Variants in OSBPL8 observed in about 807,000 individuals in gnomAD.
OSBPL8 encodes the protein oxysterol-binding protein-related protein 8.
Under a neutral mutation model 125.5 loss-of-function variants are expected in OSBPL8, and 59 were observed. That is an observed-to-expected ratio of 0.47 (90% CI 0.38 to 0.58). The LOEUF is 0.58. OSBPL8 is among the 20% of genes least tolerant of loss of function. The pLI, the probability that OSBPL8 is intolerant of heterozygous loss-of-function variation, is 0.00. For synonymous variants in OSBPL8, 330 were observed against 338.9 expected (o/e 0.97, Z 0.29); for missense variants, 758 against 1,047.8 (o/e 0.72, Z 3.82).
In OSBPL8 at chr12:76,557,226, C is replaced by T. The variant is rs377385700; in HGVS notation, c.-68+2171G>A. Among the ~76,000 whole-genome samples the T allele has an allele frequency of 4.6e-5, 7 of 152,208 alleles. No individual in the cohort carries two copies. The East Asian group carries it at 5.8e-4, about 13-fold the overall frequency. ...CTGTATCAATTCTTTGTCTTTAATG[C>T]CTTAATTCAAGTAATCTACTTTTGA... is the stretch of plus-strand genomic sequence containing the variant. On this transcript the variant is annotated intron_variant, in intron 1 of 23. Transcript: ENST00000261183.
intron 1 of OSBPL8, among the ~76,000 whole-genome samples, chr12:76,559,112 G>A (rs1443715439): frequency 6.6e-6 from 1 of 152,154 alleles, no homozygotes; most frequent in African/African-American, 2.4e-5. Flanking sequence ...AGGAGGGACA[G>A]ACACCCGGGG....
chr12:76,438,180 G>A (rs1242484393), intron 4 of OSBPL8, among the ~76,000 whole-genome samples: 1 of 151,794 alleles, frequency 6.6e-6, no homozygotes, highest in Non-Finnish European at 1.5e-5. Context: ...TAGAGACGGG[G>A]TTTCACCGTG....
rs180804069 is a variant in OSBPL8, at chr12:76,407,662, T to C, written c.288+2902A>G. ...TCAGTAAGTTTCAGCTCTTGGAAAATAATATGATGAGTATAATTTTACTTA... is the reference window on the plus strand; with the variant it reads ...TCAGTAAGTTTCAGCTCTTGGAAAACAATATGATGAGTATAATTTTACTTA... On this transcript the variant is annotated intron_variant, in intron 5 of 23. Transcript: ENST00000261183. 3.5e-3 allele frequency among the ~76,000 whole-genome samples: 531 copies of C among 152,340 alleles called. 3 individuals carry two copies. Among genetic ancestry groups the C allele is most frequent in the Non-Finnish European group, 6.0e-3 (410 of 68,024 alleles).
chr12:76,357,868 T>TG (rs1195764954), intron 22 of OSBPL8, among the ~76,000 whole-genome samples: 6 of 152,220 alleles, frequency 3.9e-5, no homozygotes, highest in African/African-American at 1.4e-4. Flanking sequence ...TTTTTTTTTT[T>TG]GTCATGTCAC....
intron 1 of OSBPL8, among the ~76,000 whole-genome samples, chr12:76,532,736 C>A (rs925188688): frequency 1.4e-4 from 19 of 140,082 alleles, no homozygotes; most frequent in Non-Finnish European, 2.5e-4. Context: ...AAGAGCCAGA[C>A]CAATCAGTCC....
At chr12:76,506,699 C>T (rs1880453063) in intron 1 of OSBPL8, among the ~76,000 whole-genome samples, 1 of 152,000 alleles carries the variant, frequency 6.6e-6, no homozygotes, top group African/African-American at 2.4e-5. Context: ...CCCTAAATTC[C>T]ACACCTTTGA....
chr12:76,357,241 CTCT>C (rs1301843484), intron 22 of OSBPL8, among the ~76,000 whole-genome samples: 19 of 152,274 alleles, frequency 1.2e-4, no homozygotes, highest in African/African-American at 4.6e-4. Flanking sequence ...CCTACTTAAC[CTCT>C]CTGCAAGTGT....
rs182231338 is a variant in OSBPL8 at position 76,548,639 on chromosome 12, T to C, written c.-68+10758A>G. Among the ~76,000 whole-genome samples, 493 of 151,914 alleles carry C rather than the reference T, an allele frequency of 3.2e-3. 6 individuals are homozygous for C. The highest frequency in any genetic ancestry group is 0.011 in the African/African-American group (449 of 41,394). On this transcript the variant is annotated intron_variant, in intron 1 of 23. Transcript: ENST00000261183. ...ATCCAGCATTTAAAGGGCCCATACA[T>C]AGCCTAGCAGCTAGCTCCTCTCTCT...
chr12:76,490,413 C>T (rs774395425), intron 1 of OSBPL8, among the ~76,000 whole-genome samples: 27 of 152,174 alleles, frequency 1.8e-4, no homozygotes, highest in Non-Finnish European at 3.5e-4. Flanking sequence ...AGACTCAGCC[C>T]GAAGAGAGGA....
Position 76,378,555 on chromosome 12 carries a change from A to C in OSBPL8, c.1631-5T>G. ...ATATTGCAGATAATGAGTTTCCTGA[A>C]ATAAAATGTTGTTTATTAAATTTCA... On this transcript the variant is annotated splice_polypyrimidine_tract_variant and splice_region_variant and intron_variant, in intron 15 of 23. Transcript: ENST00000261183. 1 of 1,562,874 alleles carries C rather than the reference A, an allele frequency of 6.4e-7. No homozygotes were observed. The highest frequency in any genetic ancestry group is 8.7e-7 in the Non-Finnish European group (1 of 1,145,760).
At chr12:76,402,911 A>G (rs1263203450) in intron 5 of OSBPL8, 145 bp from the exon 6 acceptor site, 1 of 631,574 alleles carries the variant, frequency 1.6e-6, no homozygotes, top group Non-Finnish European at 2.7e-6. Context: ...TTTTCCCTAT[A>G]TGTCTTTAAA....
intron 2 of OSBPL8, among the ~76,000 whole-genome samples, chr12:76,484,888 A>T (rs1877953576): frequency 6.6e-6 from 1 of 152,280 alleles, no homozygotes; most frequent in East Asian, 1.9e-4. Flanking sequence ...GAACCTAATG[A>T]ACAAGAAAAG....
In OSBPL8 at chr12:76,358,735, G is replaced by A. The variant is rs1291291517; in HGVS notation, c.2405C>T (p.Pro802Leu). Residue 802 changes from proline to leucine, a missense_variant, in exon 22 of 24, where the codon CCT (proline) becomes CTT (leucine). By Grantham distance (98) the Pro-to-Leu change is moderately conservative. Coordinates refer to ENST00000261183, the MANE Select transcript of OSBPL8 (RefSeq NM_020841.5). ...ACTTCCAGAGGAGTCTTGAATGTCA[G>A]GTTCTGGGGAGGAATAGCCTTTTGC... ...KVAKGYSSPE[P>L]DIQDSSGSEA... 2.5e-6 allele frequency: 4 copies of A among 1,613,790 alleles called. No individual in the cohort carries two copies. The highest frequency in any genetic ancestry group is 1.3e-5 in the African/African-American group (1 of 75,000).
chr12:76,526,543 G>A (rs1950177305), intron 1 of OSBPL8, among the ~76,000 whole-genome samples: 1 of 144,012 alleles, frequency 6.9e-6, no homozygotes, highest in African/African-American at 2.5e-5. Flanking sequence ...ACTGGCTTAA[G>A]TCAAAAGCTG....
intron 2 of OSBPL8, among the ~76,000 whole-genome samples, chr12:76,473,452 C>T (rs1011981642): frequency 6.6e-6 from 1 of 152,138 alleles, no homozygotes; most frequent in Non-Finnish European, 1.5e-5. Context: ...GAACTAACCA[C>T]CTCTATTTCT....
intron 1 of OSBPL8, chr12:76,537,034 CCA>C (rs1950518804): frequency 6.6e-6 from 1 of 151,936 alleles, no homozygotes; most frequent in African/African-American, 2.4e-5. Flanking sequence ...TGGAGGTTAG[CCA>C]CAGTTCTTCC....
intron 4 of OSBPL8, among the ~76,000 whole-genome samples, chr12:76,440,867 C>A (rs937112344): frequency 8.5e-5 from 13 of 152,306 alleles, no homozygotes; most frequent in African/African-American, 3.1e-4. Context: ...CTCCAGAGCT[C>A]ATCACCTCTA....
intron 1 of OSBPL8, among the ~76,000 whole-genome samples, chr12:76,506,149 G>A (rs1184471668): frequency 6.6e-6 from 1 of 152,160 alleles, no homozygotes; most frequent in Non-Finnish European, 1.5e-5. Context: ...AGAGAGGCAG[G>A]AACTTAAGCA....
intron 4 of OSBPL8, among the ~76,000 whole-genome samples, chr12:76,427,301 T>C (rs1870262573): frequency 6.6e-6 from 1 of 152,058 alleles, no homozygotes; most frequent in Non-Finnish European, 1.5e-5. Flanking sequence ...TGCCTATACA[T>C]CATAGACTTA....
Sources: allele counts gnomAD v4.1 joint callset (sites outside exome capture counted in the v4.1 genomes callset), GRCh38; gene constraint gnomAD v4.1.1; transcripts MANE v1.5; gene names NCBI Gene and HGNC (gene_info 2026-07-23, HGNC 2026-07-21).